The following MYH9 variants were observed in gnomAD, a reference collection of about 807,000 sequenced individuals.
MYH9 encodes the protein myosin-9.
In MYH9, 29 loss-of-function variants were observed where a neutral mutation model predicts 241.9. That is an observed-to-expected ratio of 0.12 (90% CI 0.09 to 0.16). The LOEUF (loss-of-function observed/expected upper bound fraction) is 0.16. Among genes scored for constraint, MYH9 ranks in the 10% least tolerant of loss-of-function variants. The pLI is 1.00. For synonymous variants in MYH9, 1,047 were observed against 1,062.6 expected, an observed-to-expected ratio of 0.99 and a Z score of 0.29; for missense variants, 1,803 against 2,595.5, an observed-to-expected ratio of 0.69 and a Z score of 6.63.
chr22:36,320,185 C>T lies in MYH9; in HGVS notation c.1012+35G>A. The T allele has an allele frequency of 6.2e-7, 1 of 1,613,720 alleles. No individual in the cohort carries two copies. ...GGCCGTGGGTACCAGCCTTCCTCTG[C>T]CCCACACTCGACCATAGGAGGGCCA... On this transcript the variant is annotated intron_variant, in intron 9 of 40. Transcript: ENST00000216181. The surrounding 1 kb of genome is among the most constrained non-coding windows in gnomAD (Gnocchi z 4.8).
chr22:36,306,717 G>T lies in MYH9; in HGVS notation c.1844-110C>A. The T allele has an allele frequency of 2.7e-6, 3 of 1,115,218 alleles. No individual in the cohort carries two copies. Among genetic ancestry groups the T allele is most frequent in the Non-Finnish European group, 3.9e-6 (3 of 763,284 alleles). 69.1% of individuals were successfully genotyped at this position (1,115,218 alleles called of 1,614,324 possible). On this transcript the variant is annotated intron_variant, in intron 15 of 40. Transcript: ENST00000216181. The surrounding 1 kb of genome is among the most constrained non-coding windows in gnomAD (Gnocchi z 4.1). ...ACGTCGGACAGGAAAAGAGGAGACAGAATGAAACAACAGGACCCTTTCCAA... is the reference window on the plus strand; with the variant it reads ...ACGTCGGACAGGAAAAGAGGAGACATAATGAAACAACAGGACCCTTTCCAA...
chr22:36,285,353 T>G lies in MYH9; in HGVS notation c.5275-24A>C, dbSNP rs760287824. The G allele has an allele frequency of 1.9e-6, 3 of 1,603,434 alleles. 1 individual carries two copies. The South Asian group carries it at 3.3e-5, about 18-fold the overall frequency. On this transcript the variant is annotated intron_variant, in intron 37 of 40. Coordinates refer to ENST00000216181, the MANE Select transcript of MYH9 (RefSeq NM_002473.6). This position sits in a 1 kb window ranked among gnomAD's most constrained non-coding sequence, Gnocchi z 7.0. ...ATCTGCAGAAGAAGGGCCAGTGACC[T>G]TGGGGAGGGCTGGGGCCCTGGCTGG...
chr22:36,305,090 C>T lies in MYH9; in HGVS notation c.2172G>A (p.Leu724=), dbSNP rs1371979927. ...AACCCTTGGGAATGGAGTTTGGAGT[C>T]AGGATCTCATATCTGAGGAAGGAAA... is the stretch of plus-strand genomic sequence containing the variant. ...FQEFRQRYEI[L]TPNSIPKGFM... Residue 724 remains leucine (L), a synonymous_variant, in exon 18 of 41, where the codon CTG becomes CTA. Coordinates refer to ENST00000216181, the MANE Select transcript of MYH9 (RefSeq NM_002473.6). The surrounding 1 kb of genome is among the most constrained non-coding windows in gnomAD (Gnocchi z 4.7). 6.2e-7 allele frequency: 1 copy of T among 1,613,918 alleles called. No homozygotes were observed. Among genetic ancestry groups the T allele is most frequent in the Non-Finnish European group, 8.5e-7 (1 of 1,179,802 alleles).
chr22:36,314,397 G>A (rs966307518), intron 12 of MYH9, 79 bp from the exon 13 acceptor site: 34 of 1,565,534 alleles, frequency 2.2e-5, no homozygotes, highest in Non-Finnish European at 2.8e-5. Flanking sequence ...GAAGGAGGGT[G>A]GGGCAGGGAT....
chr22:36,297,132 C>A (rs2016801601), intron 24 of MYH9, 118 bp from the exon 25 acceptor site: 1 of 1,211,084 alleles, frequency 8.3e-7, no homozygotes, highest in Admixed American at 2.0e-5. Context: ...TAAAGCATCA[C>A]AAACACACAG....
Position 36,316,463 on chromosome 22 carries a change from G to C in MYH9, c.1380+54C>G, listed in dbSNP as rs549580239. 788 of 1,613,540 alleles carry C rather than the reference G, an allele frequency of 4.9e-4. 1 individual carries two copies. Among genetic ancestry groups the C allele is most frequent in the South Asian group, 1.2e-3 (113 of 91,034 alleles). ...AAGCAGGGTTCTTAACCAAGGATAA[G>C]GCAACCAACAGGCCAAGGAGGCAGC... On this transcript the variant is annotated intron_variant, in intron 12 of 40. Coordinates refer to ENST00000216181, the MANE Select transcript of MYH9 (RefSeq NM_002473.6).
In MYH9 at chr22:36,282,673, C is replaced by T. The variant is rs149560153; in HGVS notation, c.5878G>A (p.Glu1960Lys). The T allele has an allele frequency of 3.7e-4, 595 of 1,613,736 alleles. No homozygotes were observed. Among genetic ancestry groups the T allele is most frequent in the Non-Finnish European group, 4.8e-4 (567 of 1,179,950 alleles). ...CAGGCTGCAGGAGAAGAGGCTTATT[C>T]GGCAGGTTTGGCCTCAGCCCCATCC... is the stretch of plus-strand genomic sequence containing the variant. ...KADGAEAKPAE is the reference protein window; with the variant it reads ...KADGAEAKPAK Residue 1960 changes from glutamate to lysine, a missense_variant, in exon 41 of 41, where the codon GAA (glutamate) becomes AAA (lysine). This residue lies in a region of MYH9 where 876 missense variants were observed against 1,077.8 expected (regional missense o/e 0.81). Coordinates refer to ENST00000216181, the MANE Select transcript of MYH9 (RefSeq NM_002473.6).
chr22:36,387,464 G>T (rs2018372068), intron 1 of MYH9, among the ~76,000 whole-genome samples: 1 of 152,106 alleles, frequency 6.6e-6, no homozygotes, highest in Non-Finnish European at 1.5e-5. Context: ...AGGCGAGGGC[G>T]GGGCGCGTGC....
At chr22:36,382,379 G>T (rs1248284079) in intron 1 of MYH9, among the ~76,000 whole-genome samples, 1 of 152,108 alleles carries the variant, frequency 6.6e-6, no homozygotes, top group Non-Finnish European at 1.5e-5. Context: ...GGAAGCTGAG[G>T]CAGGAGAATC....
intron 38 of MYH9, 53 bp from the exon 39 acceptor site, chr22:36,284,564 G>C (rs915927766): frequency 1.3e-6 from 2 of 1,545,594 alleles, no homozygotes; most frequent in Admixed American, 3.4e-5. Flanking sequence ...AGAGGGTCCG[G>C]CCAACAAGCC....
intron 3 of MYH9, among the ~76,000 whole-genome samples, chr22:36,340,764 G>C (rs180798369): frequency 6.6e-6 from 1 of 152,252 alleles, no homozygotes; most frequent in African/African-American, 2.4e-5. Flanking sequence ...CAACACACAG[G>C]TCATACATAG....
At position 36,299,017 on chromosome 22, in the gene MYH9, A is replaced by G. The variant is rs1262532933; in HGVS notation, c.3002T>C (p.Ile1001Thr). 6.2e-7 allele frequency: 1 copy of G among 1,614,074 alleles called. No homozygotes were observed. The highest frequency in any genetic ancestry group is 8.5e-7 in the Non-Finnish European group (1 of 1,179,976). ...TGTGAGGTTGGTGGTGAACTCAGCT[A>G]TTCTGTCTTCCAGCAGTTTCTTTTC... ...AKEKKLLEDR[I>T]AEFTTNLTEE... Residue 1001 changes from isoleucine (I) to threonine (T), a missense_variant, in exon 24 of 41, where the codon ATA (isoleucine) becomes ACA (threonine). Physicochemically the swap from Ile to Thr is moderately conservative, Grantham distance 89. Coordinates refer to ENST00000216181, the MANE Select transcript of MYH9 (RefSeq NM_002473.6).
intron 1 of MYH9, among the ~76,000 whole-genome samples, chr22:36,384,767 G>A (rs545885947): frequency 6.6e-6 from 1 of 151,156 alleles, no homozygotes; most frequent in East Asian, 2.0e-4. Flanking sequence ...AAGCTGTGAG[G>A]CTATGTGACT....
At chr22:36,324,024 G>A (rs566401828) in intron 5 of MYH9, among the ~76,000 whole-genome samples, 5 of 152,206 alleles carry the variant, frequency 3.3e-5, no homozygotes, top group African/African-American at 4.8e-5. Context: ...CCACTACGCC[G>A]TTCCTCTCAG....
intron 9 of MYH9, chr22:36,319,867 T>C (rs191313644): frequency 1.6e-6 from 1 of 633,850 alleles, no homozygotes; most frequent in South Asian, 1.8e-5. Context: ...CTGCCATTCA[T>C]GCTGGGCTTC....
At position 36,288,833 on chromosome 22, in the gene MYH9, T is replaced by C. The variant is rs141543499; in HGVS notation, c.4664A>G (p.Lys1555Arg). The change falls in exon 33 of 41, where the codon AAG becomes AGG. Residue 1555 changes from lysine (K) to arginine (R), a missense_variant. Transcript: ENST00000216181. The surrounding 1 kb of genome is among the most constrained non-coding windows in gnomAD (Gnocchi z 4.8). ...CTGCAGGTTGACCTCCAACCGCAGC[T>C]TGGCATCTTCGGTGGCCTGCAGCTC... ...EDELQATEDA[K>R]LRLEVNLQAM... 53 of 1,613,570 alleles carry C rather than the reference T, an allele frequency of 3.3e-5. No individual in the cohort carries two copies. In the African/African-American group the frequency reaches 5.9e-4, roughly 18 times the overall value.
At position 36,289,209 on chromosome 22, in the gene MYH9, G is replaced by T; in HGVS notation, c.4433C>A (p.Ala1478Asp). The change falls in exon 32 of 41, where the codon GCT (alanine) becomes GAT (aspartate). Residue 1478 changes from alanine (A) to aspartate (D), a missense_variant. Physicochemically the swap from Ala to Asp is moderately radical, Grantham distance 126. This residue lies in a region of MYH9 where 876 missense variants were observed against 1,077.8 expected (regional missense o/e 0.81). Coordinates refer to ENST00000216181, the MANE Select transcript of MYH9 (RefSeq NM_002473.6). ...EAEAREKETK[A>D]LSLARALEEA... ...CTCCAGGGCCCGGGCCAGCGACAGA[G>T]CCTTGGTCTCCTTCTCTCGGGCCTC... 6.2e-7 allele frequency: 1 copy of T among 1,613,360 alleles called. No homozygotes were observed.
At chr22:36,310,685 T>C (rs151069269) in intron 14 of MYH9, among the ~76,000 whole-genome samples, 29 of 152,354 alleles carry the variant, frequency 1.9e-4, no homozygotes, top group African/African-American at 6.5e-4. Flanking sequence ...GCCAACATCC[T>C]TGTCCTTTTA....
chr22:36,322,672 C>A, intron 5 of MYH9, 151 bp from the exon 6 acceptor site: 1 of 740,296 alleles, frequency 1.4e-6, no homozygotes, highest in South Asian at 1.5e-5. Context: ...TGTGCGACTC[C>A]AACCAAGGCC....
Sources: gnomAD v4.1 joint callset for allele counts (sites outside exome capture counted in the v4.1 genomes callset) on GRCh38, gnomAD v4.1.1 for gene constraint, gnomAD v4.1.1 regional missense constraint, Gnocchi (gnomAD v3.1) non-coding constraint, MANE v1.5 for transcripts, NCBI Gene and HGNC (gene_info 2026-07-23, HGNC 2026-07-21) for gene names.